The following PHTF1 variants were observed in gnomAD, a reference collection of about 807,000 sequenced individuals.
The protein encoded by PHTF1 is protein PHTF1.
A neutral mutation model predicts 102.4 loss-of-function variants in PHTF1; 88 were observed. The ratio of observed to expected loss-of-function variants is 0.86; its 90% CI spans 0.72 to 1.03. PHTF1 has a LOEUF of 1.03. Among genes scored for constraint, PHTF1 ranks in the 50% least tolerant of loss-of-function variants. The pLI is 0.00. For synonymous variants in PHTF1, 289 were observed against 305.2 expected (o/e 0.95, Z 0.55); for missense variants, 814 against 909.5 (o/e 0.89, Z 1.35).
chr1:113,715,182 A>C (rs1651795322), intron 7 of PHTF1: 1 of 152,340 alleles, frequency 6.6e-6, no homozygotes, highest in Non-Finnish European at 1.5e-5. Flanking sequence ...ACAGGTACAA[A>C]GAAGCCCAGA....
intron 7 of PHTF1, among the ~76,000 whole-genome samples, chr1:113,716,125 T>C (rs1206811877): frequency 6.6e-6 from 1 of 151,884 alleles, no homozygotes; most frequent in Non-Finnish European, 1.5e-5. Context: ...GGTCATACAA[T>C]ACCAAACAGA....
chr1:113,733,515 C>G (rs1366593643), intron 5 of PHTF1, among the ~76,000 whole-genome samples: 1 of 151,962 alleles, frequency 6.6e-6, no homozygotes, highest in Non-Finnish European at 1.5e-5. Context: ...AATCTTAATC[C>G]TTAATGTGAT....
intron 5 of PHTF1, among the ~76,000 whole-genome samples, chr1:113,732,444 C>T (rs1165407326): frequency 2.6e-5 from 4 of 151,502 alleles, no homozygotes; most frequent in African/African-American, 9.7e-5. Context: ...TGCAGTGAGC[C>T]GAGATCACAC....
At position 113,705,960 on chromosome 1, in the gene PHTF1, A is replaced by C; in HGVS notation, c.1601T>G (p.Phe534Cys). The C allele has an allele frequency of 6.2e-7, 1 of 1,614,148 alleles. No individual in the cohort carries two copies. The highest frequency in any genetic ancestry group is 1.7e-5 in the Admixed American group (1 of 60,028). The change falls in exon 13 of 19, where the codon TTT becomes TGT. Residue 534 changes from phenylalanine (F) to cysteine (C), a missense_variant. Coordinates refer to ENST00000369604, the MANE Select transcript of PHTF1 (RefSeq NM_001323043.2). Reference protein sequence around the residue: ...TPIIVLSIINFFERLCLTWMF... With the variant: ...TPIIVLSIINCFERLCLTWMF... Reference sequence around the variant, plus strand: ...CCAAGTAAGACACAATCTTTCAAAAAAATTAATTATCGACAAAACAATAAT... The same window carrying C: ...CCAAGTAAGACACAATCTTTCAAAACAATTAATTATCGACAAAACAATAAT...
At chr1:113,723,146 G>A (rs148663257) in intron 7 of PHTF1, among the ~76,000 whole-genome samples, 4 of 151,278 alleles carry the variant, frequency 2.6e-5, no homozygotes, top group East Asian at 1.9e-4. Context: ...TTGAGAATCC[G>A]GAAATAGATC....
chr1:113,712,947 A>G (rs1162483329), intron 8 of PHTF1, among the ~76,000 whole-genome samples: 1 of 151,980 alleles, frequency 6.6e-6, no homozygotes, highest in Admixed American at 6.6e-5. Flanking sequence ...GCCCGCCAAC[A>G]CGCCCGGCTA....
At chr1:113,754,822 T>C (rs1234552610) in intron 3 of PHTF1, among the ~76,000 whole-genome samples, 2 of 152,138 alleles carry the variant, frequency 1.3e-5, no homozygotes, top group Non-Finnish European at 2.9e-5. Flanking sequence ...CTAAAGTTCT[T>C]AGTAAAGCAG....
At chr1:113,721,712 CAG>C (rs1192387848) in intron 7 of PHTF1, among the ~76,000 whole-genome samples, 1 of 152,012 alleles carries the variant, frequency 6.6e-6, no homozygotes, top group Non-Finnish European at 1.5e-5. Flanking sequence ...TTTTTTGAGA[CAG>C]AGTCTTGCTC....
At position 113,706,005 on chromosome 1, in the gene PHTF1, C is replaced by A; in HGVS notation, c.1556G>T (p.Gly519Val). ...AATAATAGGTGTAACAGGTGGTGCCCCACAAAAGAGAGTCAAGATCTCCTC... is the reference window on the plus strand; with the variant it reads ...AATAATAGGTGTAACAGGTGGTGCCACACAAAAGAGAGTCAAGATCTCCTC... Reference protein sequence around the residue: ...SAEEILTLFCGAPPVTPIIVL... With the variant: ...SAEEILTLFCVAPPVTPIIVL... The change falls in exon 13 of 19, where the codon GGG becomes GTG. Residue 519 changes from glycine to valine, a missense_variant. Transcript: ENST00000369604. The A allele has an allele frequency of 6.2e-7, 1 of 1,614,004 alleles. No individual in the cohort carries two copies. The highest frequency in any genetic ancestry group is 8.5e-7 in the Non-Finnish European group (1 of 1,179,932).
chr1:113,743,126 A>G (rs1223415877), intron 3 of PHTF1, among the ~76,000 whole-genome samples: 1 of 152,154 alleles, frequency 6.6e-6, no homozygotes, highest in African/African-American at 2.4e-5. Context: ...TTCTATGATA[A>G]CTTAACCTTA....
chr1:113,709,048 GAGTTA>G (rs1203467878), intron 11 of PHTF1, among the ~76,000 whole-genome samples: 2 of 152,164 alleles, frequency 1.3e-5, no homozygotes, highest in African/African-American at 4.8e-5. Context: ...TTGAACCCAG[GAGTTA>G]AGACCAGCCT....
chr1:113,725,904 G>C (rs958772494), intron 6 of PHTF1: 6 of 155,598 alleles, frequency 3.9e-5, no homozygotes, highest in African/African-American at 1.4e-4. Context: ...GGAGGTATCG[G>C]TTGCAGTGAG....
chr1:113,701,826 TAAAAAAAAAAAAAAAAAA>T (rs34844793), intron 15 of PHTF1, among the ~76,000 whole-genome samples: 17 of 28,004 alleles, frequency 6.1e-4, no homozygotes, highest in African/African-American at 1.9e-3. Flanking sequence ...CAATTCCTGG[TAAAAAAAAAAAAAAAAAA>T]AAAAAAAAAA....
chr1:113,733,564 A>G (rs889975690), intron 5 of PHTF1, among the ~76,000 whole-genome samples: 37 of 152,224 alleles, frequency 2.4e-4, no homozygotes, highest in African/African-American at 8.7e-4. Flanking sequence ...TGATTAGGTC[A>G]TGAGGGCAGA....
chr1:113,701,048 A>C, intron 15 of PHTF1, 99 bp from the exon 16 acceptor site: 1 of 843,558 alleles, frequency 1.2e-6, no homozygotes, highest in Non-Finnish European at 1.9e-6. Flanking sequence ...CCAAAAATCC[A>C]ATATTTTAAT....
chr1:113,756,772 T>C (rs1051303917), intron 3 of PHTF1, among the ~76,000 whole-genome samples: 9 of 152,226 alleles, frequency 5.9e-5, no homozygotes, highest in African/African-American at 1.7e-4. Context: ...ACTGGCATTC[T>C]GAATTATATA....
At chr1:113,713,742 CCT>C in intron 7 of PHTF1, 1 of 284,710 alleles carries the variant, frequency 3.5e-6, no homozygotes, top group South Asian at 3.9e-5. Flanking sequence ...CAATGCAACT[CCT>C]ACCTTATATC....
intron 15 of PHTF1, among the ~76,000 whole-genome samples, chr1:113,701,289 T>C (rs1649411704): frequency 6.6e-6 from 1 of 152,196 alleles, no homozygotes; most frequent in Non-Finnish European, 1.5e-5. Context: ...TTGCTTTATG[T>C]CAAGTGAGCT....
rs141314234 is a variant in PHTF1 at position 113,727,438 on chromosome 1, T to C, written c.332-864A>G. Among the ~76,000 whole-genome samples, 12 of 152,298 alleles carry C rather than the reference T, an allele frequency of 7.9e-5. No individual in the cohort carries two copies. In the East Asian group the frequency reaches 2.3e-3, roughly 29 times the overall value. On this transcript the variant is annotated intron_variant, in intron 5 of 18. Coordinates refer to ENST00000369604, the MANE Select transcript of PHTF1 (RefSeq NM_001323043.2). ...ACACTCAATATTTGCTGGAAACCAG[T>C]ACCTGGAGCACAGAATAGACACTCA...
Sources: gnomAD v4.1 joint callset for allele counts (sites outside exome capture counted in the v4.1 genomes callset) on GRCh38, gnomAD v4.1.1 for gene constraint, MANE v1.5 for transcripts, NCBI Gene and HGNC (gene_info 2026-07-23, HGNC 2026-07-21) for gene names.